TAF5L: variants seen among roughly 807,000 people sequenced by gnomAD.
TAF5L encodes the protein TATA-box binding protein associated factor 5 like, also known as TAF5-like RNA polymerase II p300/CBP-associated factor-associated factor 65 kDa subunit 5L.
A neutral mutation model predicts 51.3 loss-of-function variants in TAF5L; 7 were observed. The ratio of observed to expected loss-of-function variants is 0.14; its 90% CI spans 0.08 to 0.26. TAF5L has a LOEUF of 0.26. TAF5L is among the 10% of genes least tolerant of loss of function. The pLI is 1.00. For missense variants in TAF5L, 575 were observed against 758.9 expected, an observed-to-expected ratio of 0.76 and a Z score of 2.85; for synonymous variants, 291 against 308.1, an observed-to-expected ratio of 0.94 and a Z score of 0.58.
intron 1 of TAF5L, 38 bp from the exon 2 acceptor site, chr1:229,614,523 G>A: frequency 6.2e-7 from 1 of 1,606,490 alleles, no homozygotes; most frequent in African/African-American, 1.3e-5. Flanking sequence ...GAGACATCAG[G>A]GGCCTGGGAG....
chr1:229,608,225 T>C (rs780351386), intron 3 of TAF5L, among the ~76,000 whole-genome samples: 3 of 152,098 alleles, frequency 2.0e-5, no homozygotes, highest in South Asian at 2.1e-4. Flanking sequence ...TTGGAGAAAA[T>C]GGTCAAAATA....
At chr1:229,619,535 T>A (rs1175169825) in intron 1 of TAF5L, among the ~76,000 whole-genome samples, 3 of 152,136 alleles carry the variant, frequency 2.0e-5, no homozygotes, top group Non-Finnish European at 4.4e-5. Flanking sequence ...TCATGAGAAG[T>A]AGATTTTCTC....
chr1:229,615,735 C>A (rs747289002), intron 1 of TAF5L, among the ~76,000 whole-genome samples: 2 of 152,120 alleles, frequency 1.3e-5, no homozygotes, highest in Non-Finnish European at 2.9e-5. Context: ...ATACTGCAGT[C>A]CAGATGACCA....
chr1:229,602,091 T>G lies in TAF5L; in HGVS notation c.972+104A>C, dbSNP rs755877131. ...CATTAGTCTGGCTTTAGCTATATGA[T>G]GAGGGAAACTAGGAAGTCCATTCTA... On this transcript the variant is annotated intron_variant, in intron 4 of 4. Transcript: ENST00000258281. The surrounding 1 kb of genome is among the most constrained non-coding windows in gnomAD (Gnocchi z 4.6). The G allele has an allele frequency of 3.9e-6, 6 of 1,523,070 alleles. No individual in the cohort carries two copies. The highest frequency in any genetic ancestry group is 5.3e-6 in the Non-Finnish European group (6 of 1,136,764). The allele number at this position is 1,523,070 out of a possible 1,614,324, so 94.3% of individuals were successfully genotyped here. A position where few individuals can be genotyped will look rare whatever the true frequency, so the allele number is the denominator to read the frequency against.
At chr1:229,599,670 T>C (rs1181643811) in intron 4 of TAF5L, 1 of 279,510 alleles carries the variant, frequency 3.6e-6, no homozygotes, top group African/African-American at 2.3e-5. Flanking sequence ...TACATTTTAT[T>C]TATTCATTCA....
rs545885289 is a variant in TAF5L at position 229,601,501 on chromosome 1, G to A, written c.972+694C>T. On this transcript the variant is annotated intron_variant, in intron 4 of 4. Transcript: ENST00000258281. ...CTAAGGTAGTGATTTTTGGTGACCT[G>A]AAACCCAAGCTGCGCCTGCCCTTTT... is the stretch of plus-strand genomic sequence containing the variant. 1.5e-5 allele frequency: 15 copies of A among 985,406 alleles called. No homozygotes were observed. In the African/African-American group the frequency reaches 1.7e-4, roughly 11 times the overall value. The allele number at this position is 985,406 out of a possible 1,614,324, so 61.0% of individuals were successfully genotyped here.
At chr1:229,600,507 TA>T in intron 4 of TAF5L, 1 of 985,396 alleles carries the variant, frequency 1.0e-6, no homozygotes, top group Non-Finnish European at 1.2e-6. Flanking sequence ...TGCTCTCCCT[TA>T]TCCCCTACAG....
rs1664020204 is a variant in TAF5L at position 229,594,051 on chromosome 1, TTG to T, written c.*244_*245del. On this transcript the variant is annotated 3_prime_UTR_variant, in exon 5 of 5. Transcript: ENST00000258281. The surrounding 1 kb of genome is among the most constrained non-coding windows in gnomAD (Gnocchi z 7.9). ...GTCACGGCAGAGTCTCCATGAGGAC[TTG>T]TGAGTGACCTCCAGGGCACTCTAAT... The T allele has an allele frequency of 1.1e-5, 5 of 465,490 alleles. No individual in the cohort carries two copies. In the South Asian group the frequency reaches 1.3e-4, roughly 12 times the overall value. The allele number at this position is 465,490 out of a possible 1,614,324, so 28.8% of individuals were successfully genotyped here.
intron 1 of TAF5L, among the ~76,000 whole-genome samples, chr1:229,623,465 G>A (rs148972220): frequency 9.2e-5 from 14 of 152,260 alleles, no homozygotes; most frequent in African/African-American, 3.1e-4. Flanking sequence ...GGGCCCTCCA[G>A]TAGTTGGAGG....
chr1:229,608,390 T>C (rs181884274), intron 3 of TAF5L, among the ~76,000 whole-genome samples: 6 of 152,122 alleles, frequency 3.9e-5, no homozygotes, highest in Admixed American at 6.5e-5. Flanking sequence ...GTAAAATGAC[T>C]CTATTATGTT....
At chr1:229,611,896 C>T (rs1257421135) in intron 2 of TAF5L, among the ~76,000 whole-genome samples, 6 of 152,214 alleles carry the variant, frequency 3.9e-5, no homozygotes, top group Admixed American at 3.9e-4. Context: ...TGACCCCCAA[C>T]TATATGTCAG....
chr1:229,594,115 TC>T lies in TAF5L; in HGVS notation c.*181del. ...CATCATTGCCTCTCTCCTGTTCCCC[TC>T]CCCAACCTTGGCCTTCGACACTGGG... On this transcript the variant is annotated 3_prime_UTR_variant, in exon 5 of 5. Coordinates refer to ENST00000258281, the Ensembl canonical transcript of TAF5L. This position sits in a 1 kb window ranked among gnomAD's most constrained non-coding sequence, Gnocchi z 7.9. The T allele has an allele frequency of 1.5e-6, 1 of 656,930 alleles. No homozygotes were observed. 40.7% of individuals were successfully genotyped at this position (656,930 alleles called of 1,614,324 possible).
chr1:229,597,830 G>A (rs1168906020), intron 4 of TAF5L, among the ~76,000 whole-genome samples: 1 of 152,330 alleles, frequency 6.6e-6, no homozygotes, highest in East Asian at 1.9e-4. Context: ...GCTGTAGTTT[G>A]CTGCCCCTGC....
At chr1:229,618,975 A>G (rs752061389) in intron 1 of TAF5L, among the ~76,000 whole-genome samples, 29 of 152,244 alleles carry the variant, frequency 1.9e-4, no homozygotes, top group Non-Finnish European at 3.7e-4. Flanking sequence ...TCCTCAAATC[A>G]GCTCTTCAAC....
At chr1:229,596,143 G>A in intron 4 of TAF5L, among the ~76,000 whole-genome samples, 1 of 152,094 alleles carries the variant, frequency 6.6e-6, no homozygotes, top group East Asian at 1.9e-4. Flanking sequence ...GCATGGTGGC[G>A]CATGCCTGTG....
intron 4 of TAF5L, chr1:229,601,828 T>C: frequency 9.6e-7 from 1 of 1,037,916 alleles, no homozygotes; most frequent in Non-Finnish European, 1.2e-6. Context: ...GACTCAGTTA[T>C]CCTACTACCG....
At position 229,604,974 on chromosome 1, in the gene TAF5L, G is replaced by A. The variant is rs145694115; in HGVS notation, c.248-2055C>T. Among the ~76,000 whole-genome samples the A allele has an allele frequency of 6.3e-3, 961 of 152,122 alleles. 12 individuals are homozygous for A. The highest frequency in any genetic ancestry group is 0.022 in the African/African-American group (911 of 41,446). On this transcript the variant is annotated intron_variant, in intron 3 of 4. Transcript: ENST00000258281. ...TTTTTTTGAGATGGAGTCTCGCTCC[G>A]TCACCCAGGCTGGAGTACAGTGGCG...
chr1:229,605,612 A>ATT (rs71173751), intron 3 of TAF5L, among the ~76,000 whole-genome samples: 57,732 of 149,924 alleles, frequency 0.39, 11,781 homozygotes, highest in South Asian at 0.49. Flanking sequence ...CTGTGAAGGT[A>ATT]TTTTTTTTTT....
chr1:229,599,319 T>C (rs902984028), intron 4 of TAF5L: 1 of 501,736 alleles, frequency 2.0e-6, no homozygotes, highest in Non-Finnish European at 2.6e-6. Context: ...TATATAATTC[T>C]TTCAAAGTGT....
Sources: gnomAD v4.1 joint callset for allele counts (sites outside exome capture counted in the v4.1 genomes callset) on GRCh38, gnomAD v4.1.1 for gene constraint, Gnocchi (gnomAD v3.1) non-coding constraint, MANE v1.5 for transcripts, NCBI Gene and HGNC (gene_info 2026-07-23, HGNC 2026-07-21) for gene names.